The following RALY variants were observed in gnomAD, a reference collection of about 807,000 sequenced individuals.
RALY encodes RALY heterogeneous nuclear ribonucleoprotein.
In RALY, 15 loss-of-function variants were observed where a neutral mutation model predicts 30.7. The observed-to-expected ratio is 0.49, with a 90% CI of 0.33 to 0.75. The LOEUF is 0.75. Among genes scored for constraint, RALY ranks in the 30% least tolerant of loss-of-function variants. The probability of loss-of-function intolerance (pLI) is 0.02; values close to 1 mark genes in which losing one functional copy is unlikely to be tolerated. For synonymous variants in RALY, 177 were observed against 170.8 expected (o/e 1.04, Z -0.28); for missense variants, 339 against 414.3 (o/e 0.82, Z 1.58).
intron 1 of RALY, among the ~76,000 whole-genome samples, chr20:33,999,687 T>G (rs955111859): frequency 1.3e-5 from 2 of 152,092 alleles, no homozygotes; most frequent in African/African-American, 4.8e-5. Context: ...CCTAAGGAGC[T>G]CATGATCCAG....
rs888098814 is a variant in RALY at position 33,993,945 on chromosome 20, C to T, written c.-279C>T. The T allele has an allele frequency of 2.0e-5, 3 of 152,062 alleles. No individual in the cohort carries two copies. The highest frequency in any genetic ancestry group is 7.2e-5 in the African/African-American group (3 of 41,552). 9.4% of individuals were successfully genotyped at this position (152,062 alleles called of 1,614,324 possible). On this transcript the variant is annotated 5_prime_UTR_variant, in exon 1 of 10. Coordinates refer to ENST00000246194, the MANE Select transcript of RALY (RefSeq NM_016732.3). ...GCGGGGCGCGCGAGCGGCGCCAGCT[C>T]GGGGCAGCGGAACCCAGAGAAGCTG...
At chr20:34,016,959 G>C (rs1303861503) in intron 1 of RALY, among the ~76,000 whole-genome samples, 1 of 152,242 alleles carries the variant, frequency 6.6e-6, no homozygotes, top group Non-Finnish European at 1.5e-5. Flanking sequence ...GTGCTCCTAG[G>C]TAGGGAGAAT....
At chr20:34,038,475 A>G (rs1263089315) in intron 2 of RALY, among the ~76,000 whole-genome samples, 1 of 152,194 alleles carries the variant, frequency 6.6e-6, no homozygotes, top group Non-Finnish European at 1.5e-5. Context: ...TACCCCATTA[A>G]CACAAAGCAG....
rs925413994 is a variant in RALY, at chr20:34,082,931, C to T, written c.*3026C>T. ...CCTCATTTGTGATCCTCACAGCCATCTTGAAAGAATAGAGCAGCCAGTGGG... is the reference window on the plus strand; with the variant it reads ...CCTCATTTGTGATCCTCACAGCCATTTTGAAAGAATAGAGCAGCCAGTGGG... On this transcript the variant is annotated 3_prime_UTR_variant, in exon 10 of 10. Transcript: ENST00000246194. 6.6e-6 allele frequency: 1 copy of T among 152,226 alleles called. No individual in the cohort carries two copies. Among genetic ancestry groups the T allele is most frequent in the Non-Finnish European group, 1.5e-5 (1 of 68,052 alleles). 9.4% of individuals were successfully genotyped at this position (152,226 alleles called of 1,614,324 possible). A position where few individuals can be genotyped will look rare whatever the true frequency, so the allele number is the denominator to read the frequency against.
chr20:34,071,734 A>G (rs976837965), intron 2 of RALY, among the ~76,000 whole-genome samples: 1 of 152,212 alleles, frequency 6.6e-6, no homozygotes, highest in Non-Finnish European at 1.5e-5. Context: ...AATTAGAGTC[A>G]AGCAGATCAG....
intron 1 of RALY, among the ~76,000 whole-genome samples, chr20:33,995,008 C>T (rs1227968918): frequency 6.6e-6 from 1 of 152,110 alleles, no homozygotes; most frequent in Non-Finnish European, 1.5e-5. Flanking sequence ...GGTGCCAGTA[C>T]CTATTATTTA....
chr20:34,076,839 C>A, intron 7 of RALY, 24 bp downstream of exon 7: 1 of 1,610,464 alleles, frequency 6.2e-7, no homozygotes, highest in South Asian at 1.1e-5. Flanking sequence ...GATTCTCACC[C>A]ACCTCCATGA....
At chr20:34,024,675 G>A (rs1405164127) in intron 1 of RALY, among the ~76,000 whole-genome samples, 1 of 152,108 alleles carries the variant, frequency 6.6e-6, no homozygotes, top group Admixed American at 6.5e-5. Context: ...GATACACTGG[G>A]CATCCTGACA....
At position 34,073,876 on chromosome 20, in the gene RALY, G is replaced by A; in HGVS notation, c.377+10G>A. On this transcript the variant is annotated intron_variant, in intron 5 of 9. Transcript: ENST00000246194. ...ACGACTTCTACGACAGGTGAGCAGG[G>A]GAGGGGCGTGCCCAGGCATGAAACA... The A allele has an allele frequency of 1.2e-6, 2 of 1,613,668 alleles. No homozygotes were observed. Among genetic ancestry groups the A allele is most frequent in the Non-Finnish European group, 1.7e-6 (2 of 1,179,580 alleles).
intron 2 of RALY, among the ~76,000 whole-genome samples, chr20:34,050,859 C>T (rs2033055270): frequency 6.6e-6 from 1 of 152,198 alleles, no homozygotes; most frequent in African/African-American, 2.4e-5. Context: ...ACAGGCCTCC[C>T]ACCAGGCTCT....
chr20:34,034,269 A>AT (rs564212439), intron 2 of RALY, among the ~76,000 whole-genome samples: 37 of 152,278 alleles, frequency 2.4e-4, no homozygotes, highest in African/African-American at 8.7e-4. Flanking sequence ...TTCACCAACG[A>AT]TGGGGGCCAT....
Position 34,010,938 on chromosome 20 carries a change from A to G in RALY, c.-93+16807A>G, listed in dbSNP as rs116617561. Among the ~76,000 whole-genome samples, 266 of 149,042 alleles carry G rather than the reference A, an allele frequency of 1.8e-3. 2 individuals carry two copies. Among genetic ancestry groups the G allele is most frequent in the African/African-American group, 5.5e-3 (227 of 40,928 alleles). ...ATATCTCGGCTGAACTGTGAGCTCTATGAAGGCGGAAACCATGTCTGTCTT... is the reference window on the plus strand; with the variant it reads ...ATATCTCGGCTGAACTGTGAGCTCTGTGAAGGCGGAAACCATGTCTGTCTT... On this transcript the variant is annotated intron_variant, in intron 1 of 9. Coordinates refer to ENST00000246194, the MANE Select transcript of RALY (RefSeq NM_016732.3).
chr20:34,044,701 T>G (rs921241347), intron 2 of RALY, among the ~76,000 whole-genome samples: 1 of 152,190 alleles, frequency 6.6e-6, no homozygotes, highest in Non-Finnish European at 1.5e-5. Context: ...GAAGGACAGA[T>G]TGGACCTAAG....
chr20:34,006,602 T>C (rs1042674231), intron 1 of RALY, among the ~76,000 whole-genome samples: 3 of 152,148 alleles, frequency 2.0e-5, no homozygotes, highest in African/African-American at 4.8e-5. Flanking sequence ...GCCACAGATA[T>C]GACAGTGGTC....
intron 2 of RALY, among the ~76,000 whole-genome samples, chr20:34,043,703 G>C (rs573022502): frequency 6.6e-6 from 1 of 152,188 alleles, no homozygotes; most frequent in South Asian, 2.1e-4. Context: ...CCATCTTTGG[G>C]ACAGTATGAA....
chr20:33,995,421 G>A (rs1216757962), intron 1 of RALY, among the ~76,000 whole-genome samples: 1 of 152,152 alleles, frequency 6.6e-6, no homozygotes, highest in Admixed American at 6.5e-5. Flanking sequence ...GGGGGTTAGG[G>A]GGAGTAGCTC....
At chr20:34,076,141 C>T (rs1297495171) in intron 6 of RALY, 101 bp downstream of exon 6, 1 of 1,366,712 alleles carries the variant, frequency 7.3e-7, no homozygotes, top group East Asian at 2.4e-5. Context: ...AACAACAAGT[C>T]TTCCACAGTT....
intron 1 of RALY, among the ~76,000 whole-genome samples, chr20:34,013,279 G>A (rs182863154): frequency 1.0e-3 from 152 of 151,886 alleles, no homozygotes; most frequent in African/African-American, 3.5e-3. Flanking sequence ...CGCATAATGG[G>A]GCATTCCTGT....
intron 1 of RALY, among the ~76,000 whole-genome samples, chr20:34,020,938 A>G (rs2031794621): frequency 6.6e-6 from 1 of 151,694 alleles, no homozygotes; most frequent in African/African-American, 2.4e-5. Context: ...GCTGAAAGTC[A>G]TTGTCTTTTT....
Sources: gnomAD v4.1 joint callset for allele counts (sites outside exome capture counted in the v4.1 genomes callset) on GRCh38, gnomAD v4.1.1 for gene constraint, MANE v1.5 for transcripts, NCBI Gene and HGNC (gene_info 2026-07-23, HGNC 2026-07-21) for gene names.